Variants in DUOX1 observed in about 807,000 individuals in gnomAD.
The protein encoded by DUOX1 is NADPH thyroid oxidase 1.
In DUOX1, 134 loss-of-function variants were observed where a neutral mutation model predicts 181.8. The ratio of observed to expected loss-of-function variants is 0.74; its 90% CI spans 0.64 to 0.85. The LOEUF (loss-of-function observed/expected upper bound fraction) is 0.85. Among genes scored for constraint, DUOX1 ranks in the 40% least tolerant of loss-of-function variants. The probability of loss-of-function intolerance (pLI) is 0.00; values close to 1 mark genes in which losing one functional copy is unlikely to be tolerated. For synonymous variants in DUOX1, 798 were observed against 832.5 expected (o/e 0.96, Z 0.71); for missense variants, 1,814 against 2,064.4 (o/e 0.88, Z 2.35).
At chr15:45,148,934 G>GC (rs1266141850) in intron 21 of DUOX1, among the ~76,000 whole-genome samples, 1 of 151,336 alleles carries the variant, frequency 6.6e-6, no homozygotes, top group Non-Finnish European at 1.5e-5. Context: ...GTTTTTTTTT[G>GC]CCACTATATC....
At position 45,152,490 on chromosome 15, in the gene DUOX1, T is replaced by C. The variant is rs1321880083; in HGVS notation, c.3398T>C (p.Ile1133Thr). Residue 1133 changes from isoleucine to threonine, a missense_variant, in exon 25 of 34, where the codon ATT (isoleucine) becomes ACT (threonine). Physicochemically the swap from Ile to Thr is moderately conservative, Grantham distance 89. Around this residue, in one of 5 missense-constraint regions of DUOX1, gnomAD observed 1,064 missense variants for 1,152.9 expected, o/e 0.92. Coordinates refer to ENST00000389037, the MANE Select transcript of DUOX1 (RefSeq NM_175940.3). Reference sequence around the variant, plus strand: ...GCCGCCGTGGACTTCCATCGCCTCATTGCCTCCACCGCCATCGTCCTCACA... The same window carrying C: ...GCCGCCGTGGACTTCCATCGCCTCACTGCCTCCACCGCCATCGTCCTCACA... ...FDAAVDFHRL[I>T]ASTAIVLTVL... 4 of 1,613,990 alleles carry C rather than the reference T, an allele frequency of 2.5e-6. No individual in the cohort carries two copies.
At chr15:45,152,079 C>T (rs1896825976) in intron 24 of DUOX1, 27 bp downstream of exon 24, 1 of 1,609,326 alleles carries the variant, frequency 6.2e-7, no homozygotes, top group East Asian at 2.2e-5. Flanking sequence ...ACCACGAGCC[C>T]TGTCCCTAGG....
At chr15:45,132,612 A>T (rs1311305723) in intron 2 of DUOX1, among the ~76,000 whole-genome samples, 1 of 152,194 alleles carries the variant, frequency 6.6e-6, no homozygotes, top group African/African-American at 2.4e-5. Context: ...ATCACTGGGG[A>T]TGGGAGATGC....
chr15:45,151,798 C>G, intron 23 of DUOX1, 76 bp from the exon 24 acceptor site: 1 of 1,480,990 alleles, frequency 6.8e-7, no homozygotes, highest in Non-Finnish European at 9.2e-7. Flanking sequence ...CTGGGCGGCT[C>G]ACCTCCGTGA....
chr15:45,144,823 A>G, intron 17 of DUOX1, 72 bp from the exon 18 acceptor site: 1 of 1,496,024 alleles, frequency 6.7e-7, no homozygotes, highest in Non-Finnish European at 9.0e-7. Flanking sequence ...CCCCTCTGAC[A>G]TAATCCACAT....
Position 45,148,258 on chromosome 15 carries a change from TC to T in DUOX1, c.2643-9del. On this transcript the variant is annotated splice_polypyrimidine_tract_variant and intron_variant, in intron 20 of 33. Transcript: ENST00000389037. Reference sequence around the variant, plus strand: ...CCCAGTCAGGGCCGGATGGTTCCTCTCCCCCAACCCCAGATCCTTCATCGAG... The same window carrying T: ...CCCAGTCAGGGCCGGATGGTTCCTCTCCCCAACCCCAGATCCTTCATCGAG... The T allele has an allele frequency of 4.3e-6, 7 of 1,613,844 alleles. No individual in the cohort carries two copies. The highest frequency in any genetic ancestry group is 1.1e-5 in the South Asian group (1 of 91,056).
At chr15:45,159,428 G>A (rs1268444232) in intron 28 of DUOX1, among the ~76,000 whole-genome samples, 1 of 152,236 alleles carries the variant, frequency 6.6e-6, no homozygotes, top group Non-Finnish European at 1.5e-5. Context: ...GTGGTCACTA[G>A]TGCCTCAGGC....
intron 9 of DUOX1, 83 bp from the exon 10 acceptor site, chr15:45,137,841 A>G: frequency 9.0e-7 from 1 of 1,116,930 alleles, no homozygotes; most frequent in Non-Finnish European, 1.3e-6. Context: ...GGGTCCCTGG[A>G]TACCGCCTCA....
chr15:45,141,470 T>C, intron 14 of DUOX1, 60 bp downstream of exon 14: 1 of 1,552,702 alleles, frequency 6.4e-7, no homozygotes, highest in Non-Finnish European at 8.9e-7. Flanking sequence ...CCTCTTCAGC[T>C]CTGGGCTTGG....
At chr15:45,158,931 A>G (rs1207391820) in intron 28 of DUOX1, among the ~76,000 whole-genome samples, 1 of 152,110 alleles carries the variant, frequency 6.6e-6, no homozygotes, top group African/African-American at 2.4e-5. Context: ...AAGTTATAGG[A>G]GTTCACTGAA....
At chr15:45,162,402 C>T in intron 31 of DUOX1, 25 bp downstream of exon 31, 4 of 1,606,944 alleles carry the variant, frequency 2.5e-6, no homozygotes, top group Non-Finnish European at 3.4e-6. Context: ...CACTTCCCAC[C>T]AACCCATGGC....
chr15:45,153,944 C>A lies in DUOX1; in HGVS notation c.3525-7C>A, dbSNP rs751943775. On this transcript the variant is annotated splice_region_variant and splice_polypyrimidine_tract_variant and intron_variant, in intron 26 of 33. Coordinates refer to ENST00000389037, the MANE Select transcript of DUOX1 (RefSeq NM_175940.3). The stretch of plus-strand genomic sequence containing the variant: ...CAAGGTGTCTCTTTGCTGTCCCTTC[C>A]ACACAGGTCTGAGCTCCCCCAGAAG... 1 of 1,612,106 alleles carries A rather than the reference C, an allele frequency of 6.2e-7. No homozygotes were observed. Among genetic ancestry groups the A allele is most frequent in the Non-Finnish European group, 8.5e-7 (1 of 1,178,374 alleles).
Position 45,152,032 on chromosome 15 carries a change from TTTTCCTGG to T in DUOX1, c.3174_3181del (p.Phe1059GlufsTer112). The T allele has an allele frequency of 6.2e-7, 1 of 1,613,824 alleles. No homozygotes were observed. The highest frequency in any genetic ancestry group is 8.5e-7 in the Non-Finnish European group (1 of 1,179,874). On this transcript the variant is annotated frameshift_variant, in exon 24 of 34. Transcript: ENST00000389037. LOFTEE classifies it high-confidence loss of function. ...GTGTTCTACGCCATCGCTGGGGGGC[TTTTCCTGG>T]AGAGGGCCTACTGTGAGTGACTTTA...
At chr15:45,153,696 C>T (rs1896889583) in intron 26 of DUOX1, 7 of 653,310 alleles carry the variant, frequency 1.1e-5, no homozygotes, top group Non-Finnish European at 1.9e-5. Context: ...GGGGTGCCTC[C>T]CCTGAAGGGT....
At chr15:45,141,938 C>G in intron 14 of DUOX1, 37 bp from the exon 15 acceptor site, 1 of 1,587,682 alleles carries the variant, frequency 6.3e-7, no homozygotes. Flanking sequence ...CACCTGTGGC[C>G]CAGCACCCAG....
intron 23 of DUOX1, among the ~76,000 whole-genome samples, chr15:45,151,566 C>T (rs11070442): frequency 0.047 from 7,192 of 152,064 alleles, 428 homozygotes; most frequent in East Asian, 0.28. Context: ...ATATGGGCGC[C>T]GGGTGGGAGT....
At chr15:45,163,402 C>T (rs1897152833) in intron 31 of DUOX1, 130 bp from the exon 32 acceptor site, 4 of 1,365,542 alleles carry the variant, frequency 2.9e-6, no homozygotes, top group Non-Finnish European at 4.0e-6. Context: ...CCATACACTC[C>T]ATCTCCCCAG....
rs745976235 is a variant in DUOX1, at chr15:45,163,948, C to T, written c.4533+30C>T. ...GTCCAACCCATAACCAGGTTCTCTT[C>T]CTCTTTATCATTTGGGGTCTGAGCA... On this transcript the variant is annotated intron_variant, in intron 33 of 33. Transcript: ENST00000389037. The T allele has an allele frequency of 1.2e-5, 19 of 1,608,676 alleles. No homozygotes were observed. The South Asian group carries it at 2.0e-4, about 17-fold the overall frequency.
chr15:45,160,717 CG>C (rs2141306463), intron 28 of DUOX1, 119 bp from the exon 29 acceptor site: 3 of 1,137,942 alleles, frequency 2.6e-6, no homozygotes, highest in African/African-American at 2.1e-5. Flanking sequence ...GAGCATGGTA[CG>C]TGGTGAGGTG....
Sources: allele counts gnomAD v4.1 joint callset (sites outside exome capture counted in the v4.1 genomes callset), GRCh38; gene constraint gnomAD v4.1.1; regional missense constraint gnomAD v4.1.1; transcripts MANE v1.5; gene names NCBI Gene and HGNC (gene_info 2026-07-23, HGNC 2026-07-21).